Variants in RANBP17 observed in about 807,000 individuals in gnomAD.
RANBP17 encodes the protein RAN binding protein 17, also known as ran-binding protein 17.
A neutral mutation model predicts 141.2 loss-of-function variants in RANBP17; 158 were observed. That is an observed-to-expected ratio of 1.12 (90% CI 0.98 to 1.28). The LOEUF is 1.28. Ranked by LOEUF, RANBP17 falls within the 50% of genes most tolerant of loss-of-function variation. RANBP17 has a pLI of 0.00. For missense variants in RANBP17, 1,438 were observed against 1,290.7 expected, an observed-to-expected ratio of 1.11 and a Z score of -1.75; for synonymous variants, 430 against 450.0, an observed-to-expected ratio of 0.96 and a Z score of 0.56.
At chr5:171,022,879 G>A (rs1423697329) in intron 14 of RANBP17, among the ~76,000 whole-genome samples, 3 of 152,204 alleles carry the variant, frequency 2.0e-5, no homozygotes, top group Non-Finnish European at 4.4e-5. Context: ...AATCTGTAGG[G>A]CTCTGGGGTT....
Position 170,881,811 on chromosome 5 carries a change from C to T in RANBP17, c.171C>T (p.Ser57=), listed in dbSNP as rs1304138322. 1.3e-6 allele frequency: 2 copies of T among 1,591,354 alleles called. No individual in the cohort carries two copies. Among genetic ancestry groups the T allele is most frequent in the Admixed American group, 1.7e-5 (1 of 58,030 alleles). ...AATAAAATTATTCTTTACAGACATC[C>T]TATGCTCAGCTCCTTGCAGCAACAT... is the stretch of plus-strand genomic sequence containing the variant. ...CQLLLEQGTT[S]YAQLLAATCL... The change falls in exon 3 of 28, where the codon TCC becomes TCT. Residue 57 remains serine, a synonymous_variant. Coordinates refer to ENST00000523189, the MANE Select transcript of RANBP17 (RefSeq NM_022897.5).
intron 14 of RANBP17, among the ~76,000 whole-genome samples, chr5:171,118,214 G>A (rs1361414473): frequency 1.3e-5 from 2 of 152,006 alleles, no homozygotes; most frequent in Non-Finnish European, 2.9e-5. Flanking sequence ...GCATTAATTT[G>A]GATTAATTTG....
At chr5:170,958,331 T>G (rs1212509588) in intron 13 of RANBP17, among the ~76,000 whole-genome samples, 1 of 152,300 alleles carries the variant, frequency 6.6e-6, no homozygotes, top group South Asian at 2.1e-4. Context: ...GGTTTGTCTC[T>G]CTTTTCTGGG....
chr5:171,154,628 A>T (rs1289487333), intron 14 of RANBP17, among the ~76,000 whole-genome samples: 1 of 152,162 alleles, frequency 6.6e-6, no homozygotes, highest in Non-Finnish European at 1.5e-5. Context: ...TATAGTGTTT[A>T]CTTTGGATTT....
At chr5:170,967,751 A>G (rs982892811) in intron 13 of RANBP17, among the ~76,000 whole-genome samples, 1 of 151,812 alleles carries the variant, frequency 6.6e-6, no homozygotes, top group African/African-American at 2.4e-5. Context: ...TAAGGGCAGG[A>G]TATAACTTTT....
At chr5:171,028,748 A>G (rs1781376577) in intron 14 of RANBP17, 1 of 391,696 alleles carries the variant, frequency 2.6e-6, no homozygotes, top group Non-Finnish European at 4.9e-6. Context: ...CCTTGCTTGC[A>G]TACAGAGAAG....
intron 14 of RANBP17, among the ~76,000 whole-genome samples, chr5:171,051,245 AT>A (rs1246152126): frequency 6.6e-6 from 1 of 151,806 alleles, no homozygotes; most frequent in Non-Finnish European, 1.5e-5. Context: ...TTCTTTATTT[AT>A]TGTTGTGAAA....
At chr5:171,070,417 T>G (rs1784565929) in intron 14 of RANBP17, among the ~76,000 whole-genome samples, 1 of 152,182 alleles carries the variant, frequency 6.6e-6, no homozygotes, top group Non-Finnish European at 1.5e-5. Flanking sequence ...ATAATCTGAA[T>G]AAATATAATG....
intron 16 of RANBP17, among the ~76,000 whole-genome samples, chr5:171,180,130 T>C (rs979180255): frequency 7.2e-5 from 11 of 152,210 alleles, no homozygotes; most frequent in Non-Finnish European, 1.6e-4. Context: ...TAGAGTTTGC[T>C]CAATCCTGGA....
intron 14 of RANBP17, among the ~76,000 whole-genome samples, chr5:171,087,599 A>G (rs1785778346): frequency 6.6e-6 from 1 of 151,746 alleles, no homozygotes; most frequent in Non-Finnish European, 1.5e-5. Context: ...GTGGGAGTCT[A>G]AGTCTCTTTG....
At chr5:171,114,950 C>T (rs1272088563) in intron 14 of RANBP17, among the ~76,000 whole-genome samples, 1 of 151,688 alleles carries the variant, frequency 6.6e-6, no homozygotes. Flanking sequence ...CCTGTCTCTA[C>T]AAAAAATTTA....
At chr5:171,086,095 T>G (rs1336685046) in intron 14 of RANBP17, among the ~76,000 whole-genome samples, 3 of 135,058 alleles carry the variant, frequency 2.2e-5, no homozygotes, top group African/African-American at 8.5e-5. Context: ...ATATTGGCTG[T>G]GGGTTTGTCA....
rs778135137 is a variant in RANBP17 at position 171,299,460 on chromosome 5, A to G, written c.*602A>G. ...AACACAATTAAATGACTTAGAAACA[A>G]TGTTTGCTTTTCACTGGCATAAATC... is the stretch of plus-strand genomic sequence containing the variant. On this transcript the variant is annotated 3_prime_UTR_variant, in exon 28 of 28. Transcript: ENST00000523189. 1.7e-5 allele frequency: 4 copies of G among 230,938 alleles called. No homozygotes were observed. The highest frequency in any genetic ancestry group is 2.2e-5 in the African/African-American group (1 of 45,204). 14.3% of individuals were successfully genotyped at this position (230,938 alleles called of 1,614,324 possible).
At chr5:171,208,456 T>G (rs1288084426) in intron 20 of RANBP17, among the ~76,000 whole-genome samples, 1 of 152,194 alleles carries the variant, frequency 6.6e-6, no homozygotes, top group African/African-American at 2.4e-5. Flanking sequence ...GTGCATCTGA[T>G]CTCCTTGTTT....
intron 3 of RANBP17, among the ~76,000 whole-genome samples, chr5:170,888,596 A>T (rs929626890): frequency 1.3e-5 from 2 of 152,122 alleles, no homozygotes; most frequent in African/African-American, 4.8e-5. Flanking sequence ...TTATTAGTTC[A>T]TAATTTTTTG....
intron 13 of RANBP17, among the ~76,000 whole-genome samples, chr5:170,955,832 A>G (rs2127502460): frequency 6.7e-6 from 1 of 148,920 alleles, no homozygotes; most frequent in Non-Finnish European, 1.5e-5. Flanking sequence ...ATATATATAT[A>G]TATATCTCAG....
At chr5:171,285,069 T>C (rs1554128966) in intron 25 of RANBP17, among the ~76,000 whole-genome samples, 1 of 152,266 alleles carries the variant, frequency 6.6e-6, no homozygotes, top group Non-Finnish European at 1.5e-5. Context: ...AAAAACCTCC[T>C]GTGCATGGGC....
In RANBP17 at chr5:171,205,583, G is replaced by C; in HGVS notation, c.2202G>C (p.Lys734Asn). 1.2e-6 allele frequency: 2 copies of C among 1,613,936 alleles called. No individual in the cohort carries two copies. The highest frequency in any genetic ancestry group is 1.7e-6 in the Non-Finnish European group (2 of 1,179,884). The change falls in exon 20 of 28, where the codon AAG becomes AAC. Residue 734 changes from lysine (K) to asparagine (N), a missense_variant. Transcript: ENST00000523189. The part of the protein sequence containing the change: ...LRGIAFALNT[K>N]TSYTMLFDWM... ...GGATTGCCTTTGCACTGAACACAAA[G>C]ACCAGCTACACCATGCTGTTTGACT...
intron 14 of RANBP17, among the ~76,000 whole-genome samples, chr5:171,107,623 C>T (rs141122008): frequency 1.3e-5 from 2 of 152,084 alleles, no homozygotes; most frequent in African/African-American, 2.4e-5. Flanking sequence ...ATGAGAACAC[C>T]CATCATGACT....
Sources: allele counts gnomAD v4.1 joint callset (sites outside exome capture counted in the v4.1 genomes callset), GRCh38; gene constraint gnomAD v4.1.1; transcripts MANE v1.5; gene names NCBI Gene and HGNC (gene_info 2026-07-23, HGNC 2026-07-21).